TRDN: variants seen among roughly 807,000 people sequenced by gnomAD.
TRDN encodes triadin in skeletal muscle.
TRDN carries 161 observed loss-of-function variants against 149.7 expected under a neutral mutation model. That is an observed-to-expected ratio of 1.08 (90% CI 0.95 to 1.23). The LOEUF (loss-of-function observed/expected upper bound fraction) is 1.23, where lower values mean the gene tolerates loss of function less well. TRDN is among the 50% of genes most tolerant of loss of function. The pLI, the probability that TRDN is intolerant of heterozygous loss-of-function variation, is 0.00. For missense variants in TRDN, 896 were observed against 823.5 expected, an observed-to-expected ratio of 1.09 and a Z score of -1.08; for synonymous variants, 294 against 250.5, an observed-to-expected ratio of 1.17 and a Z score of -1.64.
intron 6 of TRDN, among the ~76,000 whole-genome samples, chr6:123,513,740 G>A (rs1230417674): frequency 2.0e-5 from 3 of 151,924 alleles, no homozygotes; most frequent in Admixed American, 1.3e-4. Flanking sequence ...GGGTCCAGGT[G>A]GTATTTGGTT....
intron 21 of TRDN, among the ~76,000 whole-genome samples, chr6:123,343,611 A>C (rs557792467): frequency 1.2e-4 from 18 of 152,138 alleles, no homozygotes; most frequent in African/African-American, 3.6e-4. Flanking sequence ...AAATTAACTT[A>C]GTGAACTGGA....
At chr6:123,352,833 C>G (rs1780519063) in intron 20 of TRDN, among the ~76,000 whole-genome samples, 1 of 151,872 alleles carries the variant, frequency 6.6e-6, no homozygotes, top group African/African-American at 2.4e-5. Context: ...TTCCTTTACA[C>G]TCCGCTTTGA....
intron 21 of TRDN, chr6:123,352,113 C>A (rs1780482237): frequency 3.1e-6 from 3 of 982,178 alleles, no homozygotes; most frequent in Non-Finnish European, 3.6e-6. Context: ...TTCATTTTAA[C>A]TTTTACATAT....
chr6:123,276,115 C>T (rs1038509843), intron 26 of TRDN, among the ~76,000 whole-genome samples: 2 of 152,064 alleles, frequency 1.3e-5, no homozygotes, highest in African/African-American at 4.8e-5. Context: ...AAAAGAGGAG[C>T]TCTTATGGCC....
intron 38 of TRDN, among the ~76,000 whole-genome samples, chr6:123,227,085 C>T (rs1775404549): frequency 6.6e-6 from 1 of 151,758 alleles, no homozygotes; most frequent in African/African-American, 2.4e-5. Context: ...TAAGTACCCT[C>T]AACTAAATTT....
At chr6:123,310,869 C>A (rs1420226433) in intron 24 of TRDN, among the ~76,000 whole-genome samples, 4 of 151,746 alleles carry the variant, frequency 2.6e-5, no homozygotes, top group Non-Finnish European at 5.9e-5. Flanking sequence ...AGAATTGAGC[C>A]CCAGAATTTA....
intron 9 of TRDN, among the ~76,000 whole-genome samples, chr6:123,488,458 A>T (rs1220308653): frequency 6.6e-6 from 1 of 152,064 alleles, no homozygotes; most frequent in Non-Finnish European, 1.5e-5. Flanking sequence ...ACCCCACTGT[A>T]TTCCTATACT....
chr6:123,619,155 A>C (rs1033672323), intron 1 of TRDN, among the ~76,000 whole-genome samples: 9 of 152,188 alleles, frequency 5.9e-5, no homozygotes, highest in African/African-American at 1.9e-4. Context: ...AAAAATGCTA[A>C]TATAATGTAT....
intron 24 of TRDN, among the ~76,000 whole-genome samples, chr6:123,289,923 GA>G (rs1777942002): frequency 6.6e-6 from 1 of 152,056 alleles, no homozygotes; most frequent in African/African-American, 2.4e-5. Context: ...GTGAGAGACA[GA>G]AAAAAAGTTC....
intron 19 of TRDN, among the ~76,000 whole-genome samples, chr6:123,373,807 C>T (rs763459168): frequency 7.2e-5 from 11 of 152,214 alleles, no homozygotes; most frequent in Non-Finnish European, 1.5e-4. Flanking sequence ...AATCATATCT[C>T]AAATGTGCAG....
At chr6:123,502,684 C>T in intron 8 of TRDN, 1 of 984,256 alleles carries the variant, frequency 1.0e-6, no homozygotes, top group South Asian at 4.7e-5. Flanking sequence ...ATAGCCTGCT[C>T]TGTAATAAAA....
At chr6:123,456,903 A>G in intron 10 of TRDN, 1 of 455,474 alleles carries the variant, frequency 2.2e-6, no homozygotes, top group South Asian at 1.6e-5. Context: ...GTATAATAGG[A>G]AGAAATATTT....
rs77967293 is a variant in TRDN, at chr6:123,618,655, T to C, written c.22+18099A>G. Among the ~76,000 whole-genome samples, 1,122 of 152,318 alleles carry C rather than the reference T, an allele frequency of 7.4e-3. 64 individuals carry two copies. The East Asian group carries it at 0.16, about 22-fold the overall frequency. On this transcript the variant is annotated intron_variant, in intron 1 of 40. Coordinates refer to ENST00000334268, the MANE Select transcript of TRDN (RefSeq NM_006073.4). ...AGTAGACATTGTGTGAGCACTCTCT[T>C]ATGCACAGTTTGTTTAGGCCTGCTC...
chr6:123,305,678 T>A (rs910974876), intron 24 of TRDN, among the ~76,000 whole-genome samples: 1 of 152,142 alleles, frequency 6.6e-6, no homozygotes, highest in Non-Finnish European at 1.5e-5. Flanking sequence ...CAAGATTCCT[T>A]ATTATTATGA....
intron 22 of TRDN, 107 bp from the exon 23 acceptor site, chr6:123,332,036 G>A: frequency 1.2e-6 from 1 of 805,120 alleles, no homozygotes; most frequent in Non-Finnish European, 1.9e-6. Flanking sequence ...AAAGTAAGTG[G>A]AAACTTTATA....
intron 2 of TRDN, among the ~76,000 whole-genome samples, chr6:123,567,225 C>G (rs1782338235): frequency 6.6e-6 from 1 of 152,200 alleles, no homozygotes; most frequent in Non-Finnish European, 1.5e-5. Flanking sequence ...TTAAAAGCCT[C>G]TATTATACAA....
At chr6:123,455,845 G>A (rs13220681) in intron 10 of TRDN, among the ~76,000 whole-genome samples, 1 of 151,794 alleles carries the variant, frequency 6.6e-6, no homozygotes, top group Non-Finnish European at 1.5e-5. Context: ...TAAAATTACT[G>A]TTTCCATATT....
intron 24 of TRDN, among the ~76,000 whole-genome samples, chr6:123,311,470 A>G (rs959354094): frequency 2.0e-5 from 3 of 151,954 alleles, no homozygotes; most frequent in Admixed American, 6.6e-5. Flanking sequence ...GTGAGGAAGT[A>G]CCTTGCCAGT....
At chr6:123,381,418 C>T (rs757767484) in intron 15 of TRDN, 28 bp from the exon 16 acceptor site, 1 of 1,548,202 alleles carries the variant, frequency 6.5e-7, no homozygotes, top group South Asian at 1.2e-5. Flanking sequence ...AAAATCATTG[C>T]TCTTAAAACT....
Sources: allele counts gnomAD v4.1 joint callset (sites outside exome capture counted in the v4.1 genomes callset), GRCh38; gene constraint gnomAD v4.1.1; transcripts MANE v1.5; gene names NCBI Gene and HGNC (gene_info 2026-07-23, HGNC 2026-07-21).